The following KIAA1671 variants were observed in gnomAD, a reference collection of about 807,000 sequenced individuals.
KIAA1671 encodes the protein uncharacterized protein KIAA1671.
Under a neutral mutation model 131.2 loss-of-function variants are expected in KIAA1671, and 52 were observed. That is an observed-to-expected ratio of 0.40 (90% CI 0.32 to 0.50). The LOEUF (loss-of-function observed/expected upper bound fraction) is 0.50. Among genes scored for constraint, KIAA1671 ranks in the 20% least tolerant of loss-of-function variants. The probability of loss-of-function intolerance (pLI) is 0.73; values close to 1 mark genes in which losing one functional copy is unlikely to be tolerated. For synonymous variants in KIAA1671, 1,003 were observed against 961.6 expected (o/e 1.04, Z -0.80); for missense variants, 2,360 against 2,364.2 (o/e 1.00, Z 0.04).
intron 1 of KIAA1671, among the ~76,000 whole-genome samples, chr22:24,958,280 G>A (rs1921825055): frequency 6.6e-6 from 1 of 152,138 alleles, no homozygotes; most frequent in South Asian, 2.1e-4. Flanking sequence ...AGCGCTTTGG[G>A]AGGCTGAGAT....
chr22:25,151,275 AT>A (rs1204027444), intron 6 of KIAA1671, among the ~76,000 whole-genome samples: 4 of 150,622 alleles, frequency 2.7e-5, no homozygotes, highest in African/African-American at 9.7e-5. Context: ...TCCTTTAAGA[AT>A]TTTTTGCATT....
At chr22:24,962,158 A>C (rs1431208132) in intron 1 of KIAA1671, among the ~76,000 whole-genome samples, 1 of 152,198 alleles carries the variant, frequency 6.6e-6, no homozygotes, top group East Asian at 1.9e-4. Flanking sequence ...TGACACCTGT[A>C]GCCAGTAGAG....
rs372747879 is a variant in KIAA1671, at chr22:25,062,906, T to C, written c.4530+13542T>C. 4 of 149,366 alleles carry C rather than the reference T, an allele frequency of 2.7e-5. No homozygotes were observed. In the East Asian group the frequency reaches 8.1e-4, roughly 30 times the overall value. The allele number at this position is 149,366 out of a possible 1,614,324, so 9.3% of individuals were successfully genotyped here. ...CAGCTGACAACACTCTTAAGGGCTC[T>C]GTGGGTTGGCTCTGCCCTGGGATTG... On this transcript the variant is annotated intron_variant, in intron 6 of 12. Coordinates refer to ENST00000358431, the MANE Select transcript of KIAA1671 (RefSeq NM_001145206.2).
Position 25,028,190 on chromosome 22 carries a change from C to G in KIAA1671, c.191C>G (p.Pro64Arg). Reference sequence around the variant, plus strand: ...AGCCCGGCCCGGTTACTCCCTCTGCCAAGGCTCGCCCCCAAACCCTTCTCG... The same window carrying G: ...AGCCCGGCCCGGTTACTCCCTCTGCGAAGGCTCGCCCCCAAACCCTTCTCG... ...LRSPARLLPLPRLAPKPFSKE... is the reference protein window; with the variant it reads ...LRSPARLLPLRRLAPKPFSKE... The change falls in exon 3 of 13, where the codon CCA becomes CGA. Residue 64 changes from proline (P) to arginine (R), a missense_variant. Coordinates refer to ENST00000358431, the MANE Select transcript of KIAA1671 (RefSeq NM_001145206.2). 1 of 1,549,958 alleles carries G rather than the reference C, an allele frequency of 6.5e-7. No homozygotes were observed. Among genetic ancestry groups the G allele is most frequent in the Non-Finnish European group, 8.7e-7 (1 of 1,145,732 alleles).
intron 6 of KIAA1671, among the ~76,000 whole-genome samples, chr22:25,100,980 A>G (rs929046321): frequency 6.6e-6 from 1 of 152,236 alleles, no homozygotes; most frequent in Non-Finnish European, 1.5e-5. Context: ...AAGCAAACTC[A>G]CTGGTCAGAA....
In KIAA1671 at chr22:25,040,719, A is replaced by G. The variant is rs1602090557; in HGVS notation, c.3589A>G (p.Ser1197Gly). 2.6e-6 allele frequency: 4 copies of G among 1,552,100 alleles called. No homozygotes were observed. Among genetic ancestry groups the G allele is most frequent in the South Asian group, 1.2e-5 (1 of 84,060 alleles). The change falls in exon 5 of 13, where the codon AGC becomes GGC. Residue 1197 changes from serine (S) to glycine (G), a missense_variant. Around this residue, in one of 3 missense-constraint regions of KIAA1671, gnomAD observed 1,161 missense variants for 1,204.7 expected, o/e 0.96. Coordinates refer to ENST00000358431, the MANE Select transcript of KIAA1671 (RefSeq NM_001145206.2). The part of the protein sequence containing the change: ...PGKIRDGYRS[S>G]VLDIDALMAE... ...TAAAATCAGAGATGGCTACAGATCC[A>G]GCGTTCTTGACATTGACGCCCTGAT...
intron 9 of KIAA1671, among the ~76,000 whole-genome samples, chr22:25,179,086 C>G (rs1934159406): frequency 6.6e-6 from 1 of 152,216 alleles, no homozygotes; most frequent in African/African-American, 2.4e-5. Context: ...GGTGTCTGCA[C>G]CGAGGGACCG....
chr22:25,169,768 C>T (rs986419336), intron 6 of KIAA1671, among the ~76,000 whole-genome samples: 2 of 151,496 alleles, frequency 1.3e-5, no homozygotes, highest in Non-Finnish European at 2.9e-5. Context: ...TGCGTGCCCT[C>T]TCTGAGTGCC....
At chr22:25,073,570 G>T (rs894507138) in intron 6 of KIAA1671, among the ~76,000 whole-genome samples, 1 of 152,160 alleles carries the variant, frequency 6.6e-6, no homozygotes, top group South Asian at 2.1e-4. Context: ...CAAATTTCCA[G>T]TATATAATAC....
In KIAA1671 at chr22:25,095,212, C is replaced by T. The variant is rs754732927; in HGVS notation, c.4530+45848C>T. On this transcript the variant is annotated intron_variant, in intron 6 of 12. Coordinates refer to ENST00000358431, the MANE Select transcript of KIAA1671 (RefSeq NM_001145206.2). Reference sequence around the variant, plus strand: ...TGGCAGAGGTACCATCCAGTTCACTCTGTGATTCTGGAGATTCTGTGGGGA... The same window carrying T: ...TGGCAGAGGTACCATCCAGTTCACTTTGTGATTCTGGAGATTCTGTGGGGA... Among the ~76,000 whole-genome samples the T allele has an allele frequency of 2.6e-5, 4 of 152,300 alleles. No homozygotes were observed. The East Asian group carries it at 7.7e-4, about 29-fold the overall frequency.
chr22:25,041,305 G>T lies in KIAA1671; in HGVS notation c.4175G>T (p.Gly1392Val), dbSNP rs1184077249. 11 of 1,551,646 alleles carry T rather than the reference G, an allele frequency of 7.1e-6. No homozygotes were observed. Among genetic ancestry groups the T allele is most frequent in the Non-Finnish European group, 8.7e-6 (10 of 1,147,018 alleles). ...GAGGAGGACAGTGTGGCCCAGTGGG[G>T]TGACCACCCACGTGACTGTGGACGG... ...RGEEDSVAQW[G>V]DHPRDCGRVP... Residue 1392 changes from glycine (G) to valine (V), a missense_variant, in exon 5 of 13, where the codon GGT (glycine) becomes GTT (valine). Transcript: ENST00000358431.
At chr22:25,070,304 C>CT (rs1267211353) in intron 6 of KIAA1671, 1 of 419,708 alleles carries the variant, frequency 2.4e-6, no homozygotes, top group Admixed American at 4.4e-5. Context: ...AGAAGAGCCG[C>CT]TCCCGCTAGA....
At chr22:25,010,499 G>A (rs533315829) in intron 1 of KIAA1671, 1 of 152,140 alleles carries the variant, frequency 6.6e-6, no homozygotes, top group Non-Finnish European at 1.5e-5. Context: ...CACATTTATT[G>A]TGCATTTGTA....
intron 1 of KIAA1671, chr22:25,023,136 AG>A (rs1925764353): frequency 6.6e-6 from 1 of 152,248 alleles, no homozygotes. Context: ...TGAACCTGGG[AG>A]GCGGAGGTTG....
intron 10 of KIAA1671, 64 bp downstream of exon 10, chr22:25,181,887 A>G (rs1934289738): frequency 2.4e-5 from 36 of 1,517,070 alleles, no homozygotes; most frequent in South Asian, 4.9e-5. Flanking sequence ...AGTGTAAAGA[A>G]TAGATTCCGG....
At chr22:25,021,818 G>A (rs1401799569) in intron 1 of KIAA1671, among the ~76,000 whole-genome samples, 4 of 151,550 alleles carry the variant, frequency 2.6e-5, no homozygotes, top group African/African-American at 4.8e-5. Flanking sequence ...ATGGAGTCTC[G>A]CTCTGTTGCC....
chr22:25,004,711 C>T (rs1003664257), intron 1 of KIAA1671, among the ~76,000 whole-genome samples: 5 of 152,016 alleles, frequency 3.3e-5, no homozygotes, highest in Non-Finnish European at 5.9e-5. Flanking sequence ...CTTTGGGAGG[C>T]CGAGGCGGGC....
intron 6 of KIAA1671, among the ~76,000 whole-genome samples, chr22:25,090,860 T>C (rs1205041041): frequency 6.6e-6 from 1 of 152,218 alleles, no homozygotes; most frequent in East Asian, 1.9e-4. Context: ...CACTATTCCT[T>C]ATTGGGAATT....
chr22:25,067,504 C>T (rs893733605), intron 6 of KIAA1671, among the ~76,000 whole-genome samples: 2 of 151,986 alleles, frequency 1.3e-5, no homozygotes, highest in Admixed American at 1.3e-4. Flanking sequence ...CCATGTCTCT[C>T]GTCTTTCTCT....
Sources: allele counts gnomAD v4.1 joint callset (sites outside exome capture counted in the v4.1 genomes callset), GRCh38; gene constraint gnomAD v4.1.1; regional missense constraint gnomAD v4.1.1; transcripts MANE v1.5; gene names NCBI Gene and HGNC (gene_info 2026-07-23, HGNC 2026-07-21).